The following BCAM variants were observed in gnomAD, a reference collection of about 807,000 sequenced individuals.
BCAM encodes the protein basal cell adhesion molecule (Lutheran blood group).
Under a neutral mutation model 72.4 loss-of-function variants are expected in BCAM, and 61 were observed. The observed-to-expected ratio is 0.84, with a 90% CI of 0.69 to 1.04. The LOEUF (loss-of-function observed/expected upper bound fraction) is 1.04. Among genes scored for constraint, BCAM ranks in the 50% least tolerant of loss-of-function variants. The probability of loss-of-function intolerance (pLI) is 0.00; values close to 1 mark genes in which losing one functional copy is unlikely to be tolerated. For missense variants in BCAM, 909 were observed against 895.0 expected (o/e 1.02, Z -0.20); for synonymous variants, 408 against 384.2 (o/e 1.06, Z -0.73).
In BCAM at chr19:44,813,395, G is replaced by A. The variant is rs1599884953; in HGVS notation, c.602-43G>A. On this transcript the variant is annotated intron_variant, in intron 5 of 14. Coordinates refer to ENST00000270233, the MANE Select transcript of BCAM (RefSeq NM_005581.5). This position sits in a 1 kb window ranked among gnomAD's most constrained non-coding sequence, Gnocchi z 4.2. ...GGACGTGGGCTGGGGTGGGTGGCGG[G>A]GCTATGGCCTGGCTGACTGCCACCT... 3.1e-6 allele frequency: 5 copies of A among 1,608,642 alleles called. No homozygotes were observed. The Middle Eastern group carries it at 5.0e-4, about 160-fold the overall frequency.
chr19:44,809,181 C>G lies in BCAM; in HGVS notation c.57C>G (p.Leu19=). The G allele has an allele frequency of 6.8e-7, 1 of 1,476,578 alleles. No homozygotes were observed. Among genetic ancestry groups the G allele is most frequent in the Non-Finnish European group, 9.0e-7 (1 of 1,115,988 alleles). 91.5% of individuals were successfully genotyped at this position (1,476,578 alleles called of 1,614,324 possible). A position where few individuals can be genotyped will look rare whatever the true frequency, so the allele number is the denominator to read the frequency against. The change falls in exon 1 of 15, where the codon CTC becomes CTG. Residue 19 remains leucine, a synonymous_variant. Coordinates refer to ENST00000270233, the MANE Select transcript of BCAM (RefSeq NM_005581.5). ...QARGAPRLLL[L]AVLLAAHPDA... is the part of the protein sequence containing the mutation. ...GCGGGGCCCCGCGGCTGCTGTTGCT[C>G]GCAGTCCTGCTGGCGGCGCACCCAG...
rs777443990 is a variant in BCAM at position 44,819,723 on chromosome 19, C to A, written c.1760C>A (p.Ala587Asp). The A allele has an allele frequency of 6.3e-7, 1 of 1,599,160 alleles. No homozygotes were observed. Among genetic ancestry groups the A allele is most frequent in the South Asian group, 1.1e-5 (1 of 89,552 alleles). Residue 587 changes from alanine (A) to aspartate (D), a missense_variant, in exon 13 of 15, where the codon GCT (alanine) becomes GAT (aspartate). Ala to Asp is a moderately radical substitution (Grantham distance 126, BLOSUM62 -2). Coordinates refer to ENST00000270233, the MANE Select transcript of BCAM (RefSeq NM_005581.5). ...PCCRQRREKG[A>D]PPPGEPGLSH... ...TGCCGCCAGCGGCGGGAGAAGGGGGCTCCGTGAGTGGCCTGCTATCTGCAA... is the reference window on the plus strand; with the variant it reads ...TGCCGCCAGCGGCGGGAGAAGGGGGATCCGTGAGTGGCCTGCTATCTGCAA...
chr19:44,816,225 G>A (rs972739158), intron 8 of BCAM, among the ~76,000 whole-genome samples: 5 of 151,650 alleles, frequency 3.3e-5, no homozygotes, highest in African/African-American at 1.2e-4. Flanking sequence ...CAGGAGAATC[G>A]CTTGAACCCA....
intron 13 of BCAM, chr19:44,820,104 A>T: frequency 9.5e-7 from 1 of 1,050,514 alleles, no homozygotes; most frequent in Non-Finnish European, 1.1e-6. Flanking sequence ...CTCAACTCCA[A>T]TCCATAACCC....
rs1184086548 is a variant in BCAM at position 44,812,121 on chromosome 19, C to T, written c.205-42C>T. ...ACCCAGAGAGAGAGAGACTGAGGAG[C>T]GCTGGGACACCCGGAGCTGAGAGCC... On this transcript the variant is annotated intron_variant, in intron 2 of 14. Transcript: ENST00000270233. This position sits in a 1 kb window ranked among gnomAD's most constrained non-coding sequence, Gnocchi z 5.3. The T allele has an allele frequency of 2.7e-5, 41 of 1,536,896 alleles. No individual in the cohort carries two copies. The highest frequency in any genetic ancestry group is 2.6e-4 in the Admixed American group (13 of 50,938).
chr19:44,809,099 G>A (rs745969965), upstream of BCAM: 32 of 1,407,382 alleles, frequency 2.3e-5, 1 homozygote, highest in South Asian at 4.1e-4. Context: ...TGCAGCCCGG[G>A]CTCAGTCTCC....
chr19:44,813,296 CG>C lies in BCAM; in HGVS notation c.552del (p.Trp185GlyfsTer12). 1 of 1,614,130 alleles carries C rather than the reference CG, an allele frequency of 6.2e-7. No individual in the cohort carries two copies. The highest frequency in any genetic ancestry group is 1.1e-5 in the South Asian group (1 of 91,086). On this transcript the variant is annotated frameshift_variant, in exon 5 of 15. Coordinates refer to ENST00000270233, the MANE Select transcript of BCAM (RefSeq NM_005581.5). LOFTEE classifies it high-confidence loss of function. The surrounding 1 kb of genome is among the most constrained non-coding windows in gnomAD (Gnocchi z 4.2). The part of the protein sequence containing the change: ...SRNGNPAPKI[T>X]WYRNGQRLEV... ...AACGGGAACCCGGCCCCCAAGATCACGTGGTATCGCAACGGGCAGCGCCTGG... is the reference window on the plus strand; with the variant it reads ...AACGGGAACCCGGCCCCCAAGATCACTGGTATCGCAACGGGCAGCGCCTGG...
chr19:44,812,107 G>A lies in BCAM; in HGVS notation c.205-56G>A. The A allele has an allele frequency of 6.7e-7, 1 of 1,501,034 alleles. No homozygotes were observed. Among genetic ancestry groups the A allele is most frequent in the South Asian group, 1.2e-5 (1 of 84,032 alleles). The allele number at this position is 1,501,034 out of a possible 1,614,324, so 93.0% of individuals were successfully genotyped here. On this transcript the variant is annotated intron_variant, in intron 2 of 14. Coordinates refer to ENST00000270233, the MANE Select transcript of BCAM (RefSeq NM_005581.5). This position sits in a 1 kb window ranked among gnomAD's most constrained non-coding sequence, Gnocchi z 5.3. Reference sequence around the variant, plus strand: ...TGCAGAGAGAAAGGACCCAGAGAGAGAGAGACTGAGGAGCGCTGGGACACC... The same window carrying A: ...TGCAGAGAGAAAGGACCCAGAGAGAAAGAGACTGAGGAGCGCTGGGACACC...
chr19:44,819,598 C>T lies in BCAM; in HGVS notation c.1635C>T (p.Ser545=), dbSNP rs916959844. The T allele has an allele frequency of 8.1e-6, 13 of 1,613,258 alleles. No individual in the cohort carries two copies. The highest frequency in any genetic ancestry group is 1.3e-5 in the African/African-American group (1 of 74,880). The change falls in exon 13 of 15, where the codon TCC becomes TCT. Residue 545 remains serine, a synonymous_variant. Transcript: ENST00000270233. ...FHFGTVSPQT[S]QAGVAVMAVA... Reference sequence around the variant, plus strand: ...TCCCTGCAGTGAGCCCCCAGACCTCCCAGGCTGGAGTGGCCGTCATGGCCG... The same window carrying T: ...TCCCTGCAGTGAGCCCCCAGACCTCTCAGGCTGGAGTGGCCGTCATGGCCG...
chr19:44,820,719 C>G lies in BCAM; in HGVS notation c.1778C>G (p.Pro593Arg). 1 of 1,421,730 alleles carries G rather than the reference C, an allele frequency of 7.0e-7. No homozygotes were observed. Among genetic ancestry groups the G allele is most frequent in the Non-Finnish European group, 9.2e-7 (1 of 1,081,716 alleles). 88.1% of individuals were successfully genotyped at this position (1,421,730 alleles called of 1,614,324 possible). A position where few individuals can be genotyped will look rare whatever the true frequency, so the allele number is the denominator to read the frequency against. ...CCTCCCCCCAGGCCGCCAGGGGAGC[C>G]AGGGCTGAGCCACTCGGGGTCGGAG... ...REKGAPPPGEPGLSHSGSEQP... is the reference protein window; with the variant it reads ...REKGAPPPGERGLSHSGSEQP... The change falls in exon 14 of 15, where the codon CCA becomes CGA. Residue 593 changes from proline to arginine, a missense_variant. By Grantham distance (103) the Pro-to-Arg change is moderately radical. Coordinates refer to ENST00000270233, the MANE Select transcript of BCAM (RefSeq NM_005581.5).
Position 44,812,068 on chromosome 19 carries a change from G to T in BCAM, c.205-95G>T. On this transcript the variant is annotated intron_variant, in intron 2 of 14. Coordinates refer to ENST00000270233, the MANE Select transcript of BCAM (RefSeq NM_005581.5). The surrounding 1 kb of genome is among the most constrained non-coding windows in gnomAD (Gnocchi z 5.3). ...GAGACCCATAACAAGAGGAAAAGAG[G>T]CAGAGCCAGGAGCTGCAGAGAGAAA... is the stretch of plus-strand genomic sequence containing the variant. 8.1e-7 allele frequency: 1 copy of T among 1,233,450 alleles called. No homozygotes were observed. Among genetic ancestry groups the T allele is most frequent in the Non-Finnish European group, 1.1e-6 (1 of 889,774 alleles). The allele number at this position is 1,233,450 out of a possible 1,614,324, so 76.4% of individuals were successfully genotyped here.
chr19:44,820,519 C>T (rs1968570114), intron 13 of BCAM, 186 bp from the exon 14 acceptor site: 19 of 1,272,348 alleles, frequency 1.5e-5, no homozygotes, highest in Non-Finnish European at 1.8e-5. Context: ...CATCCCCATG[C>T]CCAACCCTAA....
Position 44,809,179 on chromosome 19 carries a change from C to T in BCAM, c.55C>T (p.Leu19Phe). Residue 19 changes from leucine to phenylalanine, a missense_variant, in exon 1 of 15, where the codon CTC (leucine) becomes TTC (phenylalanine). Coordinates refer to ENST00000270233, the MANE Select transcript of BCAM (RefSeq NM_005581.5). ...GCGCGGGGCCCCGCGGCTGCTGTTG[C>T]TCGCAGTCCTGCTGGCGGCGCACCC... ...QARGAPRLLL[L>F]AVLLAAHPDA... The T allele has an allele frequency of 2.7e-6, 4 of 1,476,138 alleles. No individual in the cohort carries two copies. The highest frequency in any genetic ancestry group is 1.3e-5 in the South Asian group (1 of 77,920). 91.4% of individuals were successfully genotyped at this position (1,476,138 alleles called of 1,614,324 possible).
At chr19:44,811,088 G>C (rs1417611489) in intron 1 of BCAM, 137 bp from the exon 2 acceptor site, 1 of 1,296,168 alleles carries the variant, frequency 7.7e-7, no homozygotes, top group East Asian at 2.4e-5. Context: ...GAGGGAGGAG[G>C]GGCTGGCACC....
chr19:44,813,731 A>T lies in BCAM; in HGVS notation c.784+111A>T. The stretch of plus-strand genomic sequence containing the variant: ...CTCTGACCCTCTGCCTCCCTACTTC[A>T]TGCTAAAAAAAAATGTGCTAGTGCT... On this transcript the variant is annotated intron_variant, in intron 6 of 14. Coordinates refer to ENST00000270233, the MANE Select transcript of BCAM (RefSeq NM_005581.5). The surrounding 1 kb of genome is among the most constrained non-coding windows in gnomAD (Gnocchi z 4.2). 2 of 1,398,248 alleles carry T rather than the reference A, an allele frequency of 1.4e-6. No individual in the cohort carries two copies. Among genetic ancestry groups the T allele is most frequent in the South Asian group, 2.7e-5 (2 of 72,730 alleles). The allele number at this position is 1,398,248 out of a possible 1,614,324, so 86.6% of individuals were successfully genotyped here. A position where few individuals can be genotyped will look rare whatever the true frequency, so the allele number is the denominator to read the frequency against.
At position 44,814,434 on chromosome 19, in the gene BCAM, C is replaced by T; in HGVS notation, c.921+146C>T. On this transcript the variant is annotated intron_variant, in intron 7 of 14. Transcript: ENST00000270233. The surrounding 1 kb of genome is among the most constrained non-coding windows in gnomAD (Gnocchi z 4.6). The stretch of plus-strand genomic sequence containing the variant: ...TCTGGTGGCCCACGAACTAAAAGGA[C>T]CTCTGACCCCTGATTTGAGAGAGTC... 6 of 1,409,464 alleles carry T rather than the reference C, an allele frequency of 4.3e-6. No homozygotes were observed. The highest frequency in any genetic ancestry group is 1.8e-4 in the Middle Eastern group (1 of 5,420). 87.3% of individuals were successfully genotyped at this position (1,409,464 alleles called of 1,614,324 possible).
intron 1 of BCAM, among the ~76,000 whole-genome samples, chr19:44,810,435 T>TC (rs1000869047): frequency 2.0e-5 from 3 of 151,636 alleles, no homozygotes; most frequent in Non-Finnish European, 2.9e-5. Context: ...CCCAGCCCTG[T>TC]CCCCCCTCAC....
In BCAM at chr19:44,809,192, T is replaced by G; in HGVS notation, c.68T>G (p.Leu23Arg). ...APRLLLLAVL[L>R]AAHPDAQAEV... is the part of the protein sequence containing the mutation. ...CGGCTGCTGTTGCTCGCAGTCCTGCTGGCGGCGCACCCAGGTATGGCTCGG... is the reference window on the plus strand; with the variant it reads ...CGGCTGCTGTTGCTCGCAGTCCTGCGGGCGGCGCACCCAGGTATGGCTCGG... Residue 23 changes from leucine to arginine, a missense_variant, in exon 1 of 15, where the codon CTG becomes CGG. Coordinates refer to ENST00000270233, the MANE Select transcript of BCAM (RefSeq NM_005581.5). 2 of 1,476,154 alleles carry G rather than the reference T, an allele frequency of 1.4e-6. No homozygotes were observed. The highest frequency in any genetic ancestry group is 1.8e-6 in the Non-Finnish European group (2 of 1,115,314). 91.4% of individuals were successfully genotyped at this position (1,476,154 alleles called of 1,614,324 possible).
At position 44,818,840 on chromosome 19, in the gene BCAM, C is replaced by G. The variant is rs896156795; in HGVS notation, c.1294C>G (p.Pro432Ala). Residue 432 changes from proline (P) to alanine (A), a missense_variant, in exon 10 of 15, where the codon CCG becomes GCG. Physicochemically the swap from Pro to Ala is conservative, Grantham distance 27 (BLOSUM62 -1). Coordinates refer to ENST00000270233, the MANE Select transcript of BCAM (RefSeq NM_005581.5). The surrounding 1 kb of genome is among the most constrained non-coding windows in gnomAD (Gnocchi z 4.6). Reference protein sequence around the residue: ...YVCEASLPTVPVLSRTQNFTL... With the variant: ...YVCEASLPTVAVLSRTQNFTL... Reference sequence around the variant, plus strand: ...ATGTGAGGCCTCCCTGCCCACAGTCCCGGTCCTCAGCCGCACCCAGAACTT... The same window carrying G: ...ATGTGAGGCCTCCCTGCCCACAGTCGCGGTCCTCAGCCGCACCCAGAACTT... 1.2e-6 allele frequency: 2 copies of G among 1,614,104 alleles called. No homozygotes were observed.
Sources: gnomAD v4.1 joint callset for allele counts (sites outside exome capture counted in the v4.1 genomes callset) on GRCh38, gnomAD v4.1.1 for gene constraint, Gnocchi (gnomAD v3.1) non-coding constraint, MANE v1.5 for transcripts, NCBI Gene and HGNC (gene_info 2026-07-23, HGNC 2026-07-21) for gene names.